UNC13C: variants seen among roughly 807,000 people sequenced by gnomAD.
The protein encoded by UNC13C is protein unc-13 homolog C.
Under a neutral mutation model 245.4 loss-of-function variants are expected in UNC13C, and 174 were observed. That is an observed-to-expected ratio of 0.71 (90% CI 0.63 to 0.80). The LOEUF (loss-of-function observed/expected upper bound fraction) is 0.80. UNC13C is among the 30% of genes least tolerant of loss of function. The probability of loss-of-function intolerance (pLI) is 0.00; values close to 1 mark genes in which losing one functional copy is unlikely to be tolerated. For missense variants in UNC13C, 2,829 were observed against 2,602.9 expected (o/e 1.09, Z -1.89); for synonymous variants, 992 against 895.1 (o/e 1.11, Z -1.93).
intron 2 of UNC13C, among the ~76,000 whole-genome samples, chr15:54,099,041 C>T (rs1346420796): frequency 1.3e-5 from 2 of 152,192 alleles, no homozygotes; most frequent in Non-Finnish European, 2.9e-5. Flanking sequence ...TGAGAGAAAA[C>T]TTATCAGAGG....
chr15:54,599,411 T>A (rs1899279275), intron 30 of UNC13C, among the ~76,000 whole-genome samples: 1 of 152,118 alleles, frequency 6.6e-6, no homozygotes, highest in Non-Finnish European at 1.5e-5. Flanking sequence ...TTGTGTCTTG[T>A]ACAAGCCTGC....
the UNC13C span, among the ~76,000 whole-genome samples, chr15:53,838,671 G>A: frequency 6.6e-6 from 1 of 151,758 alleles, no homozygotes; most frequent in Non-Finnish European, 1.5e-5. Flanking sequence ...TTTTATTTAG[G>A]ATATATGCAC....
At chr15:54,001,998 T>G (rs765453693) in intron 1 of UNC13C, among the ~76,000 whole-genome samples, 1 of 152,278 alleles carries the variant, frequency 6.6e-6, no homozygotes, top group Non-Finnish European at 1.5e-5. Flanking sequence ...CAGAAATTAT[T>G]CAAATCAGCC....
intron 30 of UNC13C, among the ~76,000 whole-genome samples, chr15:54,608,994 C>A (rs1764527639): frequency 1.3e-5 from 2 of 152,128 alleles, no homozygotes; most frequent in Admixed American, 1.3e-4. Context: ...GTGAGAGTTA[C>A]ATTTTACTAT....
In UNC13C at chr15:54,384,798, C is replaced by T. The variant is rs146311587; in HGVS notation, c.4714-8250C>T. 8.2e-3 allele frequency among the ~76,000 whole-genome samples: 1,245 copies of T among 152,004 alleles called. 15 individuals are homozygous for T. The highest frequency in any genetic ancestry group is 0.029 in the African/African-American group (1,200 of 41,492). ...ACTAATATCTGGAATATACAGGGAA[C>T]TCAAACATCTCAATAGTAAAAAATA... On this transcript the variant is annotated intron_variant, in intron 17 of 32. Coordinates refer to ENST00000260323, the MANE Select transcript of UNC13C (RefSeq NM_001080534.3).
the UNC13C span, among the ~76,000 whole-genome samples, chr15:53,887,781 C>T: frequency 3.9e-5 from 6 of 152,246 alleles, no homozygotes; most frequent in East Asian, 5.8e-4. Flanking sequence ...TCAACTCCCA[C>T]TTATGAGTGA....
At chr15:54,344,592 G>C (rs150290133) in intron 17 of UNC13C, among the ~76,000 whole-genome samples, 1 of 152,222 alleles carries the variant, frequency 6.6e-6, no homozygotes, top group East Asian at 1.9e-4. Flanking sequence ...CATTGGAGCT[G>C]AATTATTTAG....
intron 14 of UNC13C, among the ~76,000 whole-genome samples, chr15:54,329,857 C>T (rs1297616485): frequency 1.3e-5 from 2 of 151,952 alleles, no homozygotes; most frequent in Admixed American, 6.6e-5. Context: ...CTTTATCAGT[C>T]AGAAATCTTT....
chr15:54,237,832 C>G, intron 7 of UNC13C, 142 bp downstream of exon 7: 1 of 686,022 alleles, frequency 1.5e-6, no homozygotes, highest in Non-Finnish European at 2.5e-6. Context: ...AAGCCTGACT[C>G]CAAACAAACT....
At chr15:54,586,843 C>G (rs1005736106) in intron 30 of UNC13C, among the ~76,000 whole-genome samples, 1 of 152,138 alleles carries the variant, frequency 6.6e-6, no homozygotes, top group Admixed American at 6.5e-5. Flanking sequence ...GGGAGTAAAT[C>G]GTTGCATTCC....
At chr15:54,492,735 G>A (rs1037217059) in intron 19 of UNC13C, among the ~76,000 whole-genome samples, 4 of 152,116 alleles carry the variant, frequency 2.6e-5, no homozygotes, top group Admixed American at 2.0e-4. Context: ...TAATTAGTTT[G>A]CCCCTTCTCT....
chr15:54,179,505 A>G (rs2033726566), intron 4 of UNC13C, among the ~76,000 whole-genome samples: 1 of 152,086 alleles, frequency 6.6e-6, no homozygotes, highest in Non-Finnish European at 1.5e-5. Context: ...TCCTTATTGG[A>G]TGGGTTTCAC....
intron 19 of UNC13C, among the ~76,000 whole-genome samples, chr15:54,492,364 T>G (rs1377523231): frequency 2.0e-5 from 3 of 152,072 alleles, no homozygotes; most frequent in Non-Finnish European, 4.4e-5. Flanking sequence ...CTAAGGTAAA[T>G]CATTTGAATA....
chr15:54,401,611 G>A lies in UNC13C; in HGVS notation c.4847+8430G>A, dbSNP rs151276792. 4.6e-3 allele frequency among the ~76,000 whole-genome samples: 693 copies of A among 152,258 alleles called. 32 individuals are homozygous for A. In the East Asian group the frequency reaches 0.1, roughly 22 times the overall value. ...TGAAGTATAAACAGGAACGAAGATC[G>A]CGTCGAGAGAGAAGAAGGTAGTTGA... On this transcript the variant is annotated intron_variant, in intron 18 of 32. Transcript: ENST00000260323.
intron 7 of UNC13C, among the ~76,000 whole-genome samples, chr15:54,245,464 T>C (rs1038135862): frequency 1.3e-5 from 2 of 152,154 alleles, no homozygotes; most frequent in African/African-American, 4.8e-5. Flanking sequence ...CTCACATAGA[T>C]AGGATATAAC....
intron 19 of UNC13C, among the ~76,000 whole-genome samples, chr15:54,479,256 C>T (rs924110849): frequency 1.3e-5 from 2 of 151,962 alleles, no homozygotes; most frequent in African/African-American, 4.8e-5. Context: ...TATCTGGGTG[C>T]TTTGGTATTG....
rs892256609 is a variant in UNC13C, at chr15:54,625,724, T to G, written c.6360-1104T>G. 2.0e-5 allele frequency among the ~76,000 whole-genome samples: 3 copies of G among 152,210 alleles called. 1 individual carries two copies. The highest frequency in any genetic ancestry group is 4.1e-4 in the South Asian group (2 of 4,828). On this transcript the variant is annotated intron_variant, in intron 32 of 32. Coordinates refer to ENST00000260323, the MANE Select transcript of UNC13C (RefSeq NM_001080534.3). Reference sequence around the variant, plus strand: ...CTTATCACGTATTAAAACTGAAGTATCCTACTCTATCAAAAGGGTCCTAAT... The same window carrying G: ...CTTATCACGTATTAAAACTGAAGTAGCCTACTCTATCAAAAGGGTCCTAAT...
chr15:54,130,040 T>A (rs565236809), intron 2 of UNC13C, among the ~76,000 whole-genome samples: 1 of 151,592 alleles, frequency 6.6e-6, no homozygotes, highest in African/African-American at 2.4e-5. Flanking sequence ...CACAAATATA[T>A]GTATGCATGT....
intron 4 of UNC13C, among the ~76,000 whole-genome samples, chr15:54,208,227 G>A (rs2034775057): frequency 6.6e-6 from 1 of 152,022 alleles, no homozygotes; most frequent in Non-Finnish European, 1.5e-5. Flanking sequence ...TTATCACCAA[G>A]GGGATGGTGC....
Sources: allele counts gnomAD v4.1 joint callset (sites outside exome capture counted in the v4.1 genomes callset), GRCh38; gene constraint gnomAD v4.1.1; transcripts MANE v1.5; gene names NCBI Gene and HGNC (gene_info 2026-07-23, HGNC 2026-07-21).